ZDHHC17: variants seen among roughly 807,000 people sequenced by gnomAD.
ZDHHC17 encodes the protein zDHHC palmitoyltransferase 17.
Under a neutral mutation model 90.3 loss-of-function variants are expected in ZDHHC17, and 40 were observed. The ratio of observed to expected loss-of-function variants is 0.44; its 90% CI spans 0.34 to 0.58. The LOEUF (loss-of-function observed/expected upper bound fraction) is 0.58. Among genes scored for constraint, ZDHHC17 ranks in the 20% least tolerant of loss-of-function variants. ZDHHC17 has a pLI of 0.01. For synonymous variants in ZDHHC17, 235 were observed against 252.4 expected (o/e 0.93, Z 0.65); for missense variants, 614 against 780.8 (o/e 0.79, Z 2.55).
At chr12:76,802,051 AT>A (rs1294139437) in intron 2 of ZDHHC17, among the ~76,000 whole-genome samples, 2 of 152,002 alleles carry the variant, frequency 1.3e-5, no homozygotes, top group Admixed American at 6.6e-5. Flanking sequence ...TGAGATCTTT[AT>A]TTTTTCATAT....
At chr12:76,844,249 T>G (rs1953467994) in intron 12 of ZDHHC17, 1 of 152,146 alleles carries the variant, frequency 6.6e-6, no homozygotes, top group Non-Finnish European at 1.5e-5. Context: ...GCATAAATGT[T>G]TTATTATATA....
intron 2 of ZDHHC17, among the ~76,000 whole-genome samples, chr12:76,797,858 C>T (rs930167004): frequency 3.3e-5 from 5 of 151,874 alleles, no homozygotes; most frequent in African/African-American, 1.2e-4. Context: ...GCGGGAGAAT[C>T]GCTTGAACCC....
rs763269507 is a variant in ZDHHC17 at position 76,788,688 on chromosome 12, ATTT to A, written c.94-8722_94-8720del. 4.3e-4 allele frequency among the ~76,000 whole-genome samples: 42 copies of A among 98,668 alleles called. 4 individuals are homozygous for A. The highest frequency in any genetic ancestry group is 9.5e-4 in the African/African-American group (24 of 25,136). 64.7% of individuals were successfully genotyped at this position (98,668 alleles called of 152,430 possible). On this transcript the variant is annotated intron_variant, in intron 1 of 16. Transcript: ENST00000426126. ...AAAATATATTTAAGTTGGAATCGCAATTTTTTTTTTTTTTTTTTTTTTTTTTGA... is the reference window on the plus strand; with the variant it reads ...AAAATATATTTAAGTTGGAATCGCAATTTTTTTTTTTTTTTTTTTTTTTGA...
rs140221179 is a variant in ZDHHC17, at chr12:76,787,382, C to T, written c.94-10052C>T. 5.8e-3 allele frequency among the ~76,000 whole-genome samples: 888 copies of T among 152,012 alleles called. 10 individuals are homozygous for T. The highest frequency in any genetic ancestry group is 0.021 in the African/African-American group (861 of 41,434). On this transcript the variant is annotated intron_variant, in intron 1 of 16. Transcript: ENST00000426126. Reference sequence around the variant, plus strand: ...TAACAGCCTGTTGGCATTTTTATGCCCAATCAAGTGGGCATTTTTATCCAT... The same window carrying T: ...TAACAGCCTGTTGGCATTTTTATGCTCAATCAAGTGGGCATTTTTATCCAT...
At chr12:76,789,763 T>G (rs1952737796) in intron 1 of ZDHHC17, among the ~76,000 whole-genome samples, 1 of 151,950 alleles carries the variant, frequency 6.6e-6, no homozygotes, top group African/African-American at 2.4e-5. Flanking sequence ...ATACATAACT[T>G]GAGTCTAGTA....
chr12:76,853,334 A>G lies in ZDHHC17; in HGVS notation c.*2349A>G, dbSNP rs986586180. On this transcript the variant is annotated 3_prime_UTR_variant, in exon 17 of 17. Coordinates refer to ENST00000426126, the MANE Select transcript of ZDHHC17 (RefSeq NM_015336.4). ...TATAAACCCAGTTCTAAAGTTGTGT[A>G]TGATGGTGAACCTTTGGGAATAGTT... 5 of 152,622 alleles carry G rather than the reference A, an allele frequency of 3.3e-5. No homozygotes were observed. Among genetic ancestry groups the G allele is most frequent in the Admixed American group, 6.5e-5 (1 of 15,280 alleles). 9.5% of individuals were successfully genotyped at this position (152,622 alleles called of 1,614,324 possible).
intron 5 of ZDHHC17, among the ~76,000 whole-genome samples, chr12:76,810,708 AG>A (rs35544887): frequency 0.59 from 89,698 of 151,798 alleles, 26,566 homozygotes; most frequent in East Asian, 0.67. Context: ...CTGGAAGGGG[AG>A]GGGGGGTTAT....
chr12:76,780,984 A>G (rs1565762935), intron 1 of ZDHHC17, among the ~76,000 whole-genome samples: 4 of 151,702 alleles, frequency 2.6e-5, no homozygotes, highest in Admixed American at 2.6e-4. Flanking sequence ...AAAAAAAAAA[A>G]TTACCCGGGC....
At chr12:76,784,275 T>G (rs1952661363) in intron 1 of ZDHHC17, among the ~76,000 whole-genome samples, 2 of 152,150 alleles carry the variant, frequency 1.3e-5, no homozygotes, top group Admixed American at 1.3e-4. Flanking sequence ...TTTGAGGCAT[T>G]AAGGAGGATA....
chr12:76,775,412 A>T, intron 1 of ZDHHC17, among the ~76,000 whole-genome samples: 1 of 152,172 alleles, frequency 6.6e-6, no homozygotes, highest in East Asian at 1.9e-4. Context: ...TCTAAGTTGA[A>T]CAGTGATTCC....
chr12:76,776,297 G>A (rs117559823), intron 1 of ZDHHC17, among the ~76,000 whole-genome samples: 1,677 of 152,136 alleles, frequency 0.011, 10 homozygotes, highest in Non-Finnish European at 0.017. Flanking sequence ...CCTTAATGGT[G>A]ACACATGATT....
chr12:76,797,600 A>G (rs1290682245), intron 2 of ZDHHC17, 63 bp downstream of exon 2: 7 of 1,261,120 alleles, frequency 5.6e-6, no homozygotes, highest in African/African-American at 3.0e-5. Flanking sequence ...ATGAATCTGA[A>G]TAACAGTCAT....
At chr12:76,804,799 C>T (rs1468430423) in intron 2 of ZDHHC17, among the ~76,000 whole-genome samples, 1 of 152,146 alleles carries the variant, frequency 6.6e-6, no homozygotes, top group East Asian at 1.9e-4. Flanking sequence ...GCCTACCAGA[C>T]ACCTGATATT....
intron 1 of ZDHHC17, among the ~76,000 whole-genome samples, chr12:76,782,077 T>C (rs543486536): frequency 6.6e-6 from 1 of 152,328 alleles, no homozygotes; most frequent in Non-Finnish European, 1.5e-5. Flanking sequence ...TCTGGAACTT[T>C]AGCACCTCCA....
intron 10 of ZDHHC17, among the ~76,000 whole-genome samples, chr12:76,833,625 T>C (rs923893304): frequency 2.0e-5 from 3 of 151,800 alleles, no homozygotes; most frequent in African/African-American, 7.3e-5. Context: ...ACCCCGTCTC[T>C]ACTAAAAATA....
At chr12:76,791,914 G>A (rs1952763766) in intron 1 of ZDHHC17, among the ~76,000 whole-genome samples, 1 of 152,178 alleles carries the variant, frequency 6.6e-6, no homozygotes, top group Non-Finnish European at 1.5e-5. Flanking sequence ...ACAGCCAGAT[G>A]AAAGAGATGT....
intron 12 of ZDHHC17, chr12:76,844,162 A>G (rs764690625): frequency 2.6e-5 from 4 of 152,224 alleles, no homozygotes; most frequent in Non-Finnish European, 5.9e-5. Flanking sequence ...CAAATTATAT[A>G]GTCATTCAAT....
rs773225747 is a variant in ZDHHC17 at position 76,828,514 on chromosome 12, T to C, written c.1141+24T>C. On this transcript the variant is annotated intron_variant, in intron 10 of 16. Transcript: ENST00000426126. ...TGATATCCTTTGGTTATAAAGATCA[T>C]ACCAAAAACAAATTTTGTTTGTTAT... is the stretch of plus-strand genomic sequence containing the variant. The C allele has an allele frequency of 1.0e-5, 16 of 1,599,336 alleles. No homozygotes were observed. In the Admixed American group the frequency reaches 2.4e-4, roughly 24 times the overall value.
intron 1 of ZDHHC17, among the ~76,000 whole-genome samples, chr12:76,790,251 C>T (rs1160784235): frequency 6.6e-6 from 1 of 152,040 alleles, no homozygotes; most frequent in African/African-American, 2.4e-5. Context: ...CCTGTAATCC[C>T]ATCACTTTGG....
Sources: allele counts gnomAD v4.1 joint callset (sites outside exome capture counted in the v4.1 genomes callset), GRCh38; gene constraint gnomAD v4.1.1; transcripts MANE v1.5; gene names NCBI Gene and HGNC (gene_info 2026-07-23, HGNC 2026-07-21).